The following DMD variants were observed in gnomAD, a reference collection of about 807,000 sequenced individuals.
The protein encoded by DMD is dystrophin.
A neutral mutation model predicts 330.1 loss-of-function variants in DMD; 63 were observed. The observed-to-expected ratio is 0.19, with a 90% confidence interval of 0.16 to 0.24. DMD has a LOEUF of 0.24. Among genes scored for constraint, DMD ranks in the 10% least tolerant of loss-of-function variants. The probability of loss-of-function intolerance (pLI) is 1.00; values close to 1 mark genes in which losing one functional copy is unlikely to be tolerated. For synonymous variants in DMD, 1,223 were observed against 959.8 expected, an observed-to-expected ratio of 1.27 and a Z score of -5.07; for missense variants, 3,344 against 2,684.1, an observed-to-expected ratio of 1.25 and a Z score of -5.43.
chrX:31,388,159 C>A (rs1407597492), intron 60 of DMD, among the ~76,000 whole-genome samples: 1 of 108,665 alleles, frequency 9.2e-6, no homozygotes, highest in Non-Finnish European at 1.9e-5. Context: ...ACCACCAAGC[C>A]CGGCTAATTT....
At chrX:31,194,632 T>C (rs957470153) in intron 67 of DMD, among the ~76,000 whole-genome samples, 2 of 112,258 alleles carry the variant, frequency 1.8e-5, no homozygotes, top group African/African-American at 6.5e-5. Flanking sequence ...GAGTGTTCTT[T>C]AGACTATCCT....
At chrX:31,653,360 T>G (rs745507321) in intron 54 of DMD, among the ~76,000 whole-genome samples, 2 of 111,720 alleles carry the variant, frequency 1.8e-5, no homozygotes, top group Non-Finnish European at 3.8e-5. Context: ...TACACGTATA[T>G]GTATATATGT....
chrX:31,662,653 G>A (rs979547416), intron 53 of DMD, among the ~76,000 whole-genome samples: 2 of 111,314 alleles, frequency 1.8e-5, no homozygotes, highest in African/African-American at 6.5e-5. Flanking sequence ...GCAGAGTAAC[G>A]AAAGGACATC....
intron 28 of DMD, among the ~76,000 whole-genome samples, chrX:32,440,724 G>A (rs1370872148): frequency 9.0e-6 from 1 of 111,585 alleles, no homozygotes; most frequent in Non-Finnish European, 1.9e-5. Flanking sequence ...CAATATTAAA[G>A]CATATCCATT....
In DMD at chrX:31,333,838, T is replaced by C. The variant is rs531973027; in HGVS notation, c.9164-10180A>G. Among the ~76,000 whole-genome samples, 164 of 111,833 alleles carry C rather than the reference T, an allele frequency of 1.5e-3. 5 individuals are homozygous for C. The South Asian group carries it at 0.06, about 41-fold the overall frequency. ...TAAAACATTAGTGCTCTCTAAAACC[T>C]ATATTTATATTCATTATACATACGT... On this transcript the variant is annotated intron_variant, in intron 61 of 78. Coordinates refer to ENST00000357033, the MANE Select transcript of DMD (RefSeq NM_004006.3).
At chrX:32,978,961 C>A (rs920581640) in intron 2 of DMD, among the ~76,000 whole-genome samples, 1 of 111,953 alleles carries the variant, frequency 8.9e-6, no homozygotes, top group Non-Finnish European at 1.9e-5. Flanking sequence ...ACTAGGTGTA[C>A]TAGTTGACTC....
intron 55 of DMD, among the ~76,000 whole-genome samples, chrX:31,539,249 T>C (rs1454233733): frequency 4.5e-5 from 5 of 111,486 alleles, no homozygotes; most frequent in Non-Finnish European, 9.4e-5. Flanking sequence ...TTTTCCTTCC[T>C]TGTTCCAGTT....
chrX:33,263,142 T>A (rs930563123), intron 1 of DMD, among the ~76,000 whole-genome samples: 1 of 110,480 alleles, frequency 9.1e-6, no homozygotes, highest in African/African-American at 3.3e-5. Flanking sequence ...TTTTTAGTCA[T>A]CCTCCAGTTG....
intron 1 of DMD, among the ~76,000 whole-genome samples, chrX:33,079,950 T>C (rs945560462): frequency 1.8e-5 from 2 of 112,049 alleles, no homozygotes; most frequent in African/African-American, 6.5e-5. Flanking sequence ...ACCCTTTCAT[T>C]ATCTTTTAAC....
chrX:32,252,741 T>C (rs1245684379), intron 43 of DMD, among the ~76,000 whole-genome samples: 1 of 44,256 alleles, frequency 2.3e-5, no homozygotes, highest in South Asian at 9.3e-4. Context: ...TAAATATATA[T>C]ATAAATATAT....
intron 47 of DMD, among the ~76,000 whole-genome samples, chrX:31,893,831 A>G (rs1157780670): frequency 9.0e-6 from 1 of 111,596 alleles, no homozygotes; most frequent in Non-Finnish European, 1.9e-5. Context: ...CTACTTATAG[A>G]ATCCGAGGGC....
intron 11 of DMD, chrX:32,641,413 T>C (rs866898016): frequency 3.4e-5 from 2 of 59,370 alleles, no homozygotes; most frequent in African/African-American, 1.7e-4. Flanking sequence ...TATACGTATA[T>C]ATATATATAT....
chrX:31,808,010 C>A (rs1223909135), intron 50 of DMD, among the ~76,000 whole-genome samples: 2 of 111,725 alleles, frequency 1.8e-5, no homozygotes, highest in Non-Finnish European at 3.8e-5. Flanking sequence ...TTTCATAAGG[C>A]TGCTGTAAGA....
At chrX:32,328,108 T>C (rs1478626983) in intron 41 of DMD, among the ~76,000 whole-genome samples, 1 of 111,577 alleles carries the variant, frequency 9.0e-6, no homozygotes, top group African/African-American at 3.2e-5. Flanking sequence ...AAATAAAGAA[T>C]GTGAAAAAAG....
intron 62 of DMD, among the ~76,000 whole-genome samples, chrX:31,270,091 G>A (rs765858160): frequency 2.7e-5 from 3 of 111,605 alleles, no homozygotes; most frequent in African/African-American, 9.8e-5. Flanking sequence ...GCAGCCACAA[G>A]TCTTGTTGGC....
At chrX:31,705,186 A>C (rs1484534679) in intron 52 of DMD, among the ~76,000 whole-genome samples, 1 of 112,468 alleles carries the variant, frequency 8.9e-6, no homozygotes, top group Non-Finnish European at 1.9e-5. Flanking sequence ...GGGAGGGCAA[A>C]AAAGATGCAG....
At chrX:33,097,572 G>C (rs1212251396) in intron 1 of DMD, among the ~76,000 whole-genome samples, 1 of 106,013 alleles carries the variant, frequency 9.4e-6, no homozygotes, top group Admixed American at 1.0e-4. Flanking sequence ...GTCTTCTAAC[G>C]ATGTGTGTCC....
intron 59 of DMD, among the ~76,000 whole-genome samples, chrX:31,446,178 G>A (rs1046323503): frequency 8.9e-6 from 1 of 112,387 alleles, no homozygotes; most frequent in Non-Finnish European, 1.9e-5. Context: ...CCGTGGTGCT[G>A]TATAGAGCAT....
At chrX:32,310,355 C>T (rs1323969735) in intron 41 of DMD, 79 bp from the exon 42 acceptor site, 5 of 785,187 alleles carry the variant, frequency 6.4e-6, no homozygotes, top group East Asian at 6.8e-5. Context: ...ATATAGGTCT[C>T]ATTCTACAGC....
Sources: allele counts gnomAD v4.1 joint callset (sites outside exome capture counted in the v4.1 genomes callset), GRCh38; gene constraint gnomAD v4.1.1; transcripts MANE v1.5; gene names NCBI Gene and HGNC (gene_info 2026-07-23, HGNC 2026-07-21).